The following DNAJC3 variants were observed in gnomAD, a reference collection of about 807,000 sequenced individuals.
DNAJC3 encodes dnaJ homolog subfamily C member 3.
A neutral mutation model predicts 68.6 loss-of-function variants in DNAJC3; 38 were observed. The observed-to-expected ratio is 0.55, with a 90% confidence interval of 0.43 to 0.73. The LOEUF (loss-of-function observed/expected upper bound fraction) is 0.73. DNAJC3 is among the 30% of genes least tolerant of loss of function. DNAJC3 has a pLI of 0.00. For synonymous variants in DNAJC3, 203 were observed against 204.0 expected (o/e 1.00, Z 0.04); for missense variants, 526 against 591.9 (o/e 0.89, Z 1.16).
chr13:95,731,163 A>T (rs1206537469), intron 4 of DNAJC3, among the ~76,000 whole-genome samples: 1 of 150,912 alleles, frequency 6.6e-6, no homozygotes, highest in Non-Finnish European at 1.5e-5. Context: ...CCTGCACTTT[A>T]CTGAATTAAA....
At chr13:95,737,360 C>G (rs1322030103) in intron 4 of DNAJC3, among the ~76,000 whole-genome samples, 1 of 152,150 alleles carries the variant, frequency 6.6e-6, no homozygotes, top group African/African-American at 2.4e-5. Flanking sequence ...AGAATTCCCT[C>G]TTTTTCTATT....
Position 95,753,686 on chromosome 13 carries a change from C to T in DNAJC3, c.394-3958C>T, listed in dbSNP as rs558495911. 6.6e-5 allele frequency among the ~76,000 whole-genome samples: 10 copies of T among 152,212 alleles called. No homozygotes were observed. The South Asian group carries it at 2.1e-3, about 32-fold the overall frequency. On this transcript the variant is annotated intron_variant, in intron 4 of 11. Transcript: ENST00000602402. ...CACTGTAACTTTAATACAAGGGACC[C>T]AGTTTAAGTGGGCTAATATCTAATG...
chr13:95,748,610 G>T (rs1401282799), intron 4 of DNAJC3, among the ~76,000 whole-genome samples: 1 of 152,202 alleles, frequency 6.6e-6, no homozygotes, highest in Non-Finnish European at 1.5e-5. Context: ...GAGCTCAGGA[G>T]TTTGAGACCA....
At chr13:95,764,372 TC>T (rs1882913025) in intron 9 of DNAJC3, among the ~76,000 whole-genome samples, 1 of 137,956 alleles carries the variant, frequency 7.2e-6, no homozygotes, top group African/African-American at 3.2e-5. Context: ...TCTCTCTCTC[TC>T]TCTATATATA....
intron 1 of DNAJC3, among the ~76,000 whole-genome samples, chr13:95,705,748 G>T (rs1038708729): frequency 9.2e-5 from 14 of 151,878 alleles, no homozygotes; most frequent in African/African-American, 3.4e-4. Flanking sequence ...TATGTTGCCC[G>T]GGCTGCTCTT....
At chr13:95,693,987 C>A (rs1311852932) in intron 1 of DNAJC3, 1 of 152,064 alleles carries the variant, frequency 6.6e-6, no homozygotes, top group East Asian at 1.9e-4. Flanking sequence ...ACTCTATTAC[C>A]CCAAGTAATT....
In DNAJC3 at chr13:95,760,193, CA is replaced by C; in HGVS notation, c.702del (p.Gln234HisfsTer2). ...AFYKISTLYY[Q>X]LGDHELSLSE... is the part of the protein sequence containing the mutation. ...TTATAAAATAAGCACACTGTACTACCAACTAGGAGACCACGAACTGTCCCTC... is the reference window on the plus strand; with the variant it reads ...TTATAAAATAAGCACACTGTACTACCACTAGGAGACCACGAACTGTCCCTC... On this transcript the variant is annotated frameshift_variant, in exon 6 of 12. Coordinates refer to ENST00000602402, the MANE Select transcript of DNAJC3 (RefSeq NM_006260.5). LOFTEE classifies it high-confidence loss of function. 6.2e-7 allele frequency: 1 copy of C among 1,601,728 alleles called. No individual in the cohort carries two copies. Among genetic ancestry groups the C allele is most frequent in the Non-Finnish European group, 8.5e-7 (1 of 1,174,000 alleles).
intron 1 of DNAJC3, among the ~76,000 whole-genome samples, chr13:95,681,859 G>A (rs1879923639): frequency 6.6e-6 from 1 of 152,060 alleles, no homozygotes; most frequent in Admixed American, 6.6e-5. Flanking sequence ...GAAAATGAAA[G>A]CCATCACAAG....
chr13:95,727,172 G>A (rs1318373005), intron 4 of DNAJC3, among the ~76,000 whole-genome samples: 2 of 151,888 alleles, frequency 1.3e-5, no homozygotes, highest in East Asian at 3.8e-4. Flanking sequence ...GCTTCTAGCA[G>A]ATGCTTAAAT....
chr13:95,687,824 T>G (rs1228389871), intron 1 of DNAJC3, among the ~76,000 whole-genome samples: 1 of 152,202 alleles, frequency 6.6e-6, no homozygotes, highest in Non-Finnish European at 1.5e-5. Flanking sequence ...ATGACATTGG[T>G]AATTTGGTAG....
intron 9 of DNAJC3, among the ~76,000 whole-genome samples, chr13:95,781,817 T>C (rs1883464130): frequency 6.6e-6 from 1 of 152,038 alleles, no homozygotes; most frequent in Non-Finnish European, 1.5e-5. Context: ...GTGTTTTTTT[T>C]TTTTTACTTT....
chr13:95,708,527 C>A (rs1378184996), intron 1 of DNAJC3, among the ~76,000 whole-genome samples: 1 of 152,166 alleles, frequency 6.6e-6, no homozygotes, highest in Non-Finnish European at 1.5e-5. Flanking sequence ...CCTTGCTGGT[C>A]CCTCTTCCTG....
At chr13:95,712,298 T>G (rs1880996019) in intron 2 of DNAJC3, among the ~76,000 whole-genome samples, 1 of 151,952 alleles carries the variant, frequency 6.6e-6, no homozygotes, top group Non-Finnish European at 1.5e-5. Context: ...CCACTGAGAT[T>G]GAGAACGAGA....
At chr13:95,736,733 G>C (rs1200603804) in intron 4 of DNAJC3, among the ~76,000 whole-genome samples, 1 of 146,914 alleles carries the variant, frequency 6.8e-6, no homozygotes, top group Non-Finnish European at 1.5e-5. Flanking sequence ...GAGACAATGG[G>C]GTTTTCTAGA....
intron 11 of DNAJC3, among the ~76,000 whole-genome samples, chr13:95,789,214 GTGTGTTATGGGGGTTTGT>G (rs749930255): frequency 4.6e-5 from 7 of 151,870 alleles, no homozygotes; most frequent in Non-Finnish European, 1.0e-4. Flanking sequence ...ATAGGTAAAT[GTGTGTTATGGGGGTTTGT>G]TGTACAGATT....
At chr13:95,708,850 G>A (rs1389096826) in intron 1 of DNAJC3, among the ~76,000 whole-genome samples, 3 of 152,150 alleles carry the variant, frequency 2.0e-5, no homozygotes, top group Admixed American at 2.0e-4. Flanking sequence ...TGCATTATAG[G>A]TGCTTAATAA....
chr13:95,712,374 CTTTTT>C (rs71113952), intron 2 of DNAJC3, among the ~76,000 whole-genome samples: 1 of 135,216 alleles, frequency 7.4e-6, no homozygotes. Flanking sequence ...ATGCTTTTTT[CTTTTT>C]TTTTTTTTTT....
chr13:95,720,815 G>GT lies in DNAJC3; in HGVS notation c.194-2418dup, dbSNP rs144565622. ...TATTTTTAGATTTAAGAAAAAGAAGGTTTTTTTTTGTTGTTAAAATACCTA... is the reference window on the plus strand; with the variant it reads ...TATTTTTAGATTTAAGAAAAAGAAGGTTTTTTTTTTGTTGTTAAAATACCTA... On this transcript the variant is annotated intron_variant, in intron 2 of 11. Transcript: ENST00000602402. Among the ~76,000 whole-genome samples, 902 of 150,952 alleles carry GT rather than the reference G, an allele frequency of 6.0e-3. 6 individuals are homozygous for GT. The highest frequency in any genetic ancestry group is 0.022 in the South Asian group (102 of 4,744).
chr13:95,693,876 C>G (rs1206905861), intron 1 of DNAJC3: 1 of 152,194 alleles, frequency 6.6e-6, no homozygotes, highest in Non-Finnish European at 1.5e-5. Context: ...CACAGACCCA[C>G]GTTACAGCCT....
Sources: gnomAD v4.1 joint callset for allele counts (sites outside exome capture counted in the v4.1 genomes callset) on GRCh38, gnomAD v4.1.1 for gene constraint, MANE v1.5 for transcripts, NCBI Gene and HGNC (gene_info 2026-07-23, HGNC 2026-07-21) for gene names.